TENM2: variants seen among roughly 807,000 people sequenced by gnomAD.
TENM2 encodes teneurin transmembrane protein 2.
A neutral mutation model predicts 245.2 loss-of-function variants in TENM2; 52 were observed. That is an observed-to-expected ratio of 0.21 (90% CI 0.17 to 0.27). The LOEUF is 0.27. TENM2 is among the 10% of genes least tolerant of loss of function. The probability of loss-of-function intolerance (pLI) is 1.00; values close to 1 mark genes in which losing one functional copy is unlikely to be tolerated. For missense variants in TENM2, 3,046 were observed against 3,666.8 expected, an observed-to-expected ratio of 0.83 and a Z score of 4.37; for synonymous variants, 1,363 against 1,438.9, an observed-to-expected ratio of 0.95 and a Z score of 1.19.
At chr5:167,355,101 A>G (rs546164749) in intron 1 of TENM2, among the ~76,000 whole-genome samples, 1 of 152,342 alleles carries the variant, frequency 6.6e-6, no homozygotes, top group East Asian at 1.9e-4. Flanking sequence ...GCAAGGACAC[A>G]GATTTTCTGT....
intron 2 of TENM2, among the ~76,000 whole-genome samples, chr5:167,839,997 T>G (rs1769355712): frequency 6.6e-6 from 1 of 152,192 alleles, no homozygotes. Flanking sequence ...TTTTTTGTAT[T>G]TTTAGTAGAG....
intron 2 of TENM2, among the ~76,000 whole-genome samples, chr5:167,860,905 C>T (rs1273588565): frequency 6.9e-4 from 81 of 117,680 alleles, no homozygotes; most frequent in African/African-American, 2.6e-3. Flanking sequence ...ACAAACACTG[C>T]GGAAGGCCGC....
intron 27 of TENM2, among the ~76,000 whole-genome samples, chr5:168,249,453 GGTGTGTGTGTGTGTGTGT>G (rs3084277): frequency 6.7e-6 from 1 of 148,806 alleles, no homozygotes; most frequent in Non-Finnish European, 1.5e-5. Context: ...GTTCTCTCAA[GGTGTGTGTGTGTGTGTGT>G]GTGTGTGTGT....
At chr5:167,234,542 C>A in the TENM2 span, among the ~76,000 whole-genome samples, 1 of 152,156 alleles carries the variant, frequency 6.6e-6, no homozygotes, top group Non-Finnish European at 1.5e-5. Flanking sequence ...TTCTTAGAAG[C>A]CAGGCTACTT....
intron 13 of TENM2, among the ~76,000 whole-genome samples, chr5:168,175,464 G>A (rs1759273010): frequency 6.6e-6 from 1 of 152,136 alleles, no homozygotes; most frequent in South Asian, 2.1e-4. Flanking sequence ...CCCCAAGCTG[G>A]GTGGGTCACT....
At chr5:167,226,960 A>G in the TENM2 span, among the ~76,000 whole-genome samples, 2 of 151,958 alleles carry the variant, frequency 1.3e-5, no homozygotes, top group South Asian at 2.1e-4. Context: ...ATATGTGTGT[A>G]TATATATAAT....
chr5:167,259,333 C>G, the TENM2 span, among the ~76,000 whole-genome samples: 2 of 152,116 alleles, frequency 1.3e-5, no homozygotes, highest in Non-Finnish European at 2.9e-5. Context: ...TTATATGCCA[C>G]AGATTCAGTG....
At chr5:167,586,625 T>C (rs1775513513) in intron 2 of TENM2, among the ~76,000 whole-genome samples, 1 of 152,204 alleles carries the variant, frequency 6.6e-6, no homozygotes, top group Non-Finnish European at 1.5e-5. Flanking sequence ...CCCAGGATAG[T>C]TTATTATATT....
At chr5:168,197,263 A>G (rs978106553) in intron 15 of TENM2, among the ~76,000 whole-genome samples, 2 of 152,334 alleles carry the variant, frequency 1.3e-5, no homozygotes, top group East Asian at 1.9e-4. Context: ...CACATTTACT[A>G]AAAAAGACCA....
intron 2 of TENM2, among the ~76,000 whole-genome samples, chr5:167,495,228 T>G (rs1428569234): frequency 8.8e-6 from 1 of 113,588 alleles, no homozygotes; most frequent in African/African-American, 2.9e-5. Flanking sequence ...TTAATGTTTT[T>G]TTTGTTTTGT....
At chr5:167,924,414 G>C (rs1055103968) in intron 3 of TENM2, among the ~76,000 whole-genome samples, 1 of 152,228 alleles carries the variant, frequency 6.6e-6, no homozygotes, top group Non-Finnish European at 1.5e-5. Context: ...GGAGCATGCA[G>C]AGTAGGCAAG....
At chr5:167,849,007 T>C (rs1018031051) in intron 2 of TENM2, among the ~76,000 whole-genome samples, 1 of 152,150 alleles carries the variant, frequency 6.6e-6, no homozygotes, top group Non-Finnish European at 1.5e-5. Flanking sequence ...TTTAAGACAA[T>C]GAAAATGGAT....
At chr5:168,037,553 T>TTA in intron 5 of TENM2, among the ~76,000 whole-genome samples, 1 of 151,470 alleles carries the variant, frequency 6.6e-6, no homozygotes, top group East Asian at 1.9e-4. Flanking sequence ...TTTTTTTTTT[T>TTA]GGCTAATTTT....
chr5:167,640,904 T>TATATATATATATATATATATATATATA (rs1561629289), intron 2 of TENM2, among the ~76,000 whole-genome samples: 1 of 113,468 alleles, frequency 8.8e-6, no homozygotes, highest in African/African-American at 3.2e-5. Context: ...TATATATATA[T>TATATATATATATATATATATATATATA]ATCTTTCTCT....
chr5:168,146,954 C>T (rs1318310705), intron 12 of TENM2, among the ~76,000 whole-genome samples: 1 of 152,222 alleles, frequency 6.6e-6, no homozygotes, highest in Non-Finnish European at 1.5e-5. Context: ...TCGGGAAAGT[C>T]ATCCTCTGCA....
chr5:167,345,616 A>G (rs1470781442), intron 1 of TENM2, among the ~76,000 whole-genome samples: 1 of 152,206 alleles, frequency 6.6e-6, no homozygotes, highest in East Asian at 1.9e-4. Context: ...GGTAAAAATA[A>G]GGTTTTTTAC....
chr5:167,702,206 G>A (rs1467709906), intron 2 of TENM2, among the ~76,000 whole-genome samples: 1 of 152,126 alleles, frequency 6.6e-6, no homozygotes, highest in Non-Finnish European at 1.5e-5. Flanking sequence ...CATTTAATGA[G>A]CAAATCCTAT....
intron 13 of TENM2, among the ~76,000 whole-genome samples, chr5:168,179,733 A>G (rs557488717): frequency 6.6e-6 from 1 of 152,266 alleles, no homozygotes; most frequent in Non-Finnish European, 1.5e-5. Flanking sequence ...AAACAGGGTG[A>G]CCATAGGTGA....
intron 2 of TENM2, among the ~76,000 whole-genome samples, chr5:167,402,442 T>C (rs1188272333): frequency 1.3e-5 from 2 of 152,138 alleles, no homozygotes; most frequent in African/African-American, 4.8e-5. Flanking sequence ...TTAATGCTTA[T>C]AATAATACAC....
Sources: gnomAD v4.1 joint callset for allele counts (sites outside exome capture counted in the v4.1 genomes callset) on GRCh38, gnomAD v4.1.1 for gene constraint, MANE v1.5 for transcripts, NCBI Gene and HGNC (gene_info 2026-07-23, HGNC 2026-07-21) for gene names.